STRADA: variants seen among roughly 807,000 people sequenced by gnomAD.
STRADA encodes the protein STE20-related kinase adapter protein alpha.
Under a neutral mutation model 55.0 loss-of-function variants are expected in STRADA, and 26 were observed. That is an observed-to-expected ratio of 0.47 (90% CI 0.35 to 0.66). STRADA has a LOEUF of 0.66. Ranked by LOEUF, STRADA falls within the 30% of genes least tolerant of loss-of-function variation. The pLI, the probability that STRADA is intolerant of heterozygous loss-of-function variation, is 0.01. For synonymous variants in STRADA, 197 were observed against 210.9 expected, an observed-to-expected ratio of 0.93 and a Z score of 0.57; for missense variants, 443 against 549.7, an observed-to-expected ratio of 0.81 and a Z score of 1.94.
chr17:63,726,740 G>T, intron 2 of STRADA, 45 bp from the exon 3 acceptor site: 1 of 1,594,832 alleles, frequency 6.3e-7, no homozygotes, highest in Non-Finnish European at 8.6e-7. Context: ...CTTCCAAGCC[G>T]CAACAAATTA....
At chr17:63,735,113 C>A (rs1480030528) in intron 1 of STRADA, among the ~76,000 whole-genome samples, 2 of 152,170 alleles carry the variant, frequency 1.3e-5, no homozygotes, top group Admixed American at 6.5e-5. Context: ...CGAGATCGTG[C>A]CATTGCACAC....
intron 4 of STRADA, chr17:63,714,334 G>C (rs1474146035): frequency 1.5e-5 from 7 of 465,606 alleles, no homozygotes; most frequent in African/African-American, 1.2e-4. Context: ...GAGGAGACAA[G>C]GACCTGTTCC....
At chr17:63,707,199 G>T in intron 9 of STRADA, 48 bp downstream of exon 9, 2 of 1,603,418 alleles carry the variant, frequency 1.2e-6, no homozygotes, top group South Asian at 2.2e-5. Context: ...AGGCTCCCTT[G>T]GGAATCATGA....
chr17:63,713,635 T>A, intron 5 of STRADA, 108 bp from the exon 6 acceptor site: 5 of 1,425,258 alleles, frequency 3.5e-6, no homozygotes, highest in East Asian at 2.3e-5. Flanking sequence ...TAATGTTAAA[T>A]TTTTCACTAC....
chr17:63,704,241 C>T (rs1412563139), intron 11 of STRADA, 100 bp downstream of exon 11: 9 of 1,557,662 alleles, frequency 5.8e-6, no homozygotes, highest in Non-Finnish European at 6.9e-6. Flanking sequence ...TCCAGATTCC[C>T]CTGCAGAACC....
rs56163554 is a variant in STRADA at position 63,714,097 on chromosome 17, C to T, written c.135G>A (p.Ala45=). The change falls in exon 5 of 13, where the codon GCG becomes GCA. Residue 45 remains alanine (A), a synonymous_variant. Coordinates refer to ENST00000336174, the MANE Select transcript of STRADA (RefSeq NM_001003787.4). ...AGAAGGATGCTATTGACTCTGAGCT[C>T]GCATCATTGGTCTAAAAAAGAAAAA... is the stretch of plus-strand genomic sequence containing the variant. ...PGDTRRKTND[A]SSESIASFSK... is the part of the protein sequence containing the mutation. 3,554 of 1,613,312 alleles carry T rather than the reference C, an allele frequency of 2.2e-3. 13 individuals carry two copies. Among genetic ancestry groups the T allele is most frequent in the Middle Eastern group, 8.9e-3 (54 of 6,062 alleles).
At chr17:63,719,121 A>G (rs1232468808) in intron 4 of STRADA, 1 of 152,260 alleles carries the variant, frequency 6.6e-6, no homozygotes, top group Non-Finnish European at 1.5e-5. Context: ...CGGGCTAAAG[A>G]AGAGAATAGG....
intron 1 of STRADA, among the ~76,000 whole-genome samples, chr17:63,735,140 G>A (rs1390851468): frequency 3.3e-5 from 5 of 152,184 alleles, no homozygotes; most frequent in Admixed American, 2.6e-4. Flanking sequence ...TTGGGTGACA[G>A]AGCGAGACTC....
rs538346222 is a variant in STRADA, at chr17:63,703,235, A to T, written c.*364T>A. On this transcript the variant is annotated 3_prime_UTR_variant, in exon 13 of 13. Transcript: ENST00000336174. ...AAATAGAATGAGGCTGGTCGCAAGC[A>T]CTGGGAAGAGGTGGCGGTCCTCGGG... 1 of 203,000 alleles carries T rather than the reference A, an allele frequency of 4.9e-6. No individual in the cohort carries two copies. Among genetic ancestry groups the T allele is most frequent in the East Asian group, 1.3e-4 (1 of 7,636 alleles). The allele number at this position is 203,000 out of a possible 1,614,324, so 12.6% of individuals were successfully genotyped here.
intron 2 of STRADA, 28 bp from the exon 3 acceptor site, chr17:63,726,723 A>T (rs2037687599): frequency 6.2e-7 from 1 of 1,612,432 alleles, no homozygotes; most frequent in African/African-American, 1.3e-5. Context: ...AAAGAGAATT[A>T]GTATTTCTTC....
At chr17:63,735,329 A>T (rs964006527) in intron 1 of STRADA, among the ~76,000 whole-genome samples, 1 of 152,200 alleles carries the variant, frequency 6.6e-6, no homozygotes, top group Admixed American at 6.5e-5. Flanking sequence ...AAATAAGACG[A>T]GCATGGTATG....
intron 4 of STRADA, among the ~76,000 whole-genome samples, chr17:63,716,626 C>G (rs1046705561): frequency 3.3e-5 from 5 of 152,170 alleles, no homozygotes; most frequent in African/African-American, 1.2e-4. Flanking sequence ...GTAGGCCCCA[C>G]GGAACTCTGA....
intron 4 of STRADA, among the ~76,000 whole-genome samples, chr17:63,721,915 T>C (rs951253710): frequency 3.9e-5 from 6 of 152,144 alleles, no homozygotes; most frequent in Non-Finnish European, 8.8e-5. Flanking sequence ...GAGACCAAAC[T>C]TCATTTAGGA....
chr17:63,734,458 C>T (rs542702337), intron 1 of STRADA, among the ~76,000 whole-genome samples: 3 of 152,150 alleles, frequency 2.0e-5, no homozygotes, highest in African/African-American at 7.2e-5. Flanking sequence ...GCCTGGCCAA[C>T]ATGGTGAAAA....
intron 10 of STRADA, chr17:63,705,998 C>A (rs2143759739): frequency 6.6e-6 from 1 of 152,380 alleles, no homozygotes; most frequent in South Asian, 2.1e-4. Context: ...GCATCCTGCC[C>A]CTCCCAGTTC....
chr17:63,703,672 G>A lies in STRADA; in HGVS notation c.1223C>T (p.Ser408Phe), dbSNP rs200730710. Residue 408 changes from serine to phenylalanine, a missense_variant, in exon 13 of 13, where the codon TCT becomes TTT. Transcript: ENST00000336174. ...TPITNFEGSQ[S>F]QDHSGIFGLV... ...GCCAAAGATTCCACTGTGGTCCTGA[G>A]ACTGGCTGCCCTCAAAATTGGTGAT... The A allele has an allele frequency of 6.2e-7, 1 of 1,614,218 alleles. No individual in the cohort carries two copies. Among genetic ancestry groups the A allele is most frequent in the Non-Finnish European group, 8.5e-7 (1 of 1,180,028 alleles).
intron 1 of STRADA, among the ~76,000 whole-genome samples, chr17:63,736,875 C>T (rs1340053313): frequency 8.7e-6 from 1 of 114,308 alleles, no homozygotes; most frequent in Non-Finnish European, 1.7e-5. Context: ...AGAAAGGCAA[C>T]CAAAAATTCC....
intron 10 of STRADA, chr17:63,706,351 A>T (rs1375069170): frequency 3.4e-6 from 1 of 296,644 alleles, no homozygotes; most frequent in Non-Finnish European, 6.2e-6. Flanking sequence ...AAAACTAGTT[A>T]GCTTAATGTA....
At chr17:63,708,666 C>A (rs2036280892) in intron 8 of STRADA, among the ~76,000 whole-genome samples, 1 of 152,142 alleles carries the variant, frequency 6.6e-6, no homozygotes, top group African/African-American at 2.4e-5. Flanking sequence ...TCCTGAGTAG[C>A]TGGGATTACA....
Sources: allele counts gnomAD v4.1 joint callset (sites outside exome capture counted in the v4.1 genomes callset), GRCh38; gene constraint gnomAD v4.1.1; transcripts MANE v1.5; gene names NCBI Gene and HGNC (gene_info 2026-07-23, HGNC 2026-07-21).